Variants in THSD7A observed in about 807,000 individuals in gnomAD.
The protein encoded by THSD7A is thrombospondin type 1 domain containing 7A, also known as thrombospondin type-1 domain-containing protein 7A.
Under a neutral mutation model 231.3 loss-of-function variants are expected in THSD7A, and 96 were observed. That is an observed-to-expected ratio of 0.41 (90% CI 0.35 to 0.49). The LOEUF is 0.49. Among genes scored for constraint, THSD7A ranks in the 20% least tolerant of loss-of-function variants. The pLI is 0.05. For synonymous variants in THSD7A, 940 were observed against 743.3 expected (o/e 1.26, Z -4.30); for missense variants, 2,290 against 2,070.2 (o/e 1.11, Z -2.06).
chr7:11,690,512 CTG>C (rs1286397146), intron 1 of THSD7A, among the ~76,000 whole-genome samples: 1 of 151,620 alleles, frequency 6.6e-6, no homozygotes, highest in Non-Finnish European at 1.5e-5. Context: ...GCTGAGGCTG[CTG>C]TGTGTGTTTT....
At chr7:11,739,351 G>A (rs1357308803) in intron 1 of THSD7A, among the ~76,000 whole-genome samples, 1 of 151,876 alleles carries the variant, frequency 6.6e-6, no homozygotes, top group Middle Eastern at 3.2e-3. Context: ...TCTATGCATG[G>A]AATAACACTT....
intron 23 of THSD7A, among the ~76,000 whole-genome samples, chr7:11,397,332 T>G (rs1486642084): frequency 6.6e-6 from 1 of 152,160 alleles, no homozygotes; most frequent in Non-Finnish European, 1.5e-5. Flanking sequence ...ATTTAATAAA[T>G]GGTGTCGGGA....
chr7:11,677,359 C>A (rs11767686), intron 1 of THSD7A, among the ~76,000 whole-genome samples: 1 of 151,874 alleles, frequency 6.6e-6, no homozygotes, highest in Non-Finnish European at 1.5e-5. Context: ...ACTGCATCAA[C>A]TAATGGGCAA....
At chr7:11,713,735 G>A (rs1781041285) in intron 1 of THSD7A, among the ~76,000 whole-genome samples, 1 of 151,060 alleles carries the variant, frequency 6.6e-6, no homozygotes, top group Non-Finnish European at 1.5e-5. Context: ...CAGTCTTCTG[G>A]CAAACTTCTG....
chr7:11,370,889 A>G lies in THSD7A; in HGVS notation c.*4905T>C, dbSNP rs533080813. The G allele has an allele frequency of 6.6e-6, 1 of 152,302 alleles. No individual in the cohort carries two copies. The highest frequency in any genetic ancestry group is 1.9e-4 in the East Asian group (1 of 5,184). 9.4% of individuals were successfully genotyped at this position (152,302 alleles called of 1,614,324 possible). ...TACCAGAAAAGGAATCTAAATGTTTACTTTCTAAAAATAAACACAAACAGA... is the reference window on the plus strand; with the variant it reads ...TACCAGAAAAGGAATCTAAATGTTTGCTTTCTAAAAATAAACACAAACAGA... On this transcript the variant is annotated 3_prime_UTR_variant, in exon 28 of 28. Coordinates refer to ENST00000423059, the MANE Select transcript of THSD7A (RefSeq NM_015204.3).
At chr7:11,742,913 G>T (rs949378618) in intron 1 of THSD7A, among the ~76,000 whole-genome samples, 1 of 151,946 alleles carries the variant, frequency 6.6e-6, no homozygotes, top group South Asian at 2.1e-4. Context: ...AATACAAACT[G>T]CTACTTTCTA....
chr7:11,465,441 G>A (rs899302418), intron 9 of THSD7A, among the ~76,000 whole-genome samples: 1 of 152,088 alleles, frequency 6.6e-6, no homozygotes, highest in Non-Finnish European at 1.5e-5. Context: ...ATCATGTGAT[G>A]ATGGGGTACA....
chr7:11,735,312 T>C (rs1781879049), intron 1 of THSD7A, among the ~76,000 whole-genome samples: 1 of 152,002 alleles, frequency 6.6e-6, no homozygotes, highest in African/African-American at 2.4e-5. Context: ...TAATTACAGG[T>C]TGAGCATCCC....
chr7:11,375,735 C>T lies in THSD7A; in HGVS notation c.*59G>A. On this transcript the variant is annotated 3_prime_UTR_variant, in exon 28 of 28. Transcript: ENST00000423059. ...ACAGTTTGGATACATTTGTTGTGGCCTCTGGACATCTATGAAGTCAGAAAG... is the reference window on the plus strand; with the variant it reads ...ACAGTTTGGATACATTTGTTGTGGCTTCTGGACATCTATGAAGTCAGAAAG... The T allele has an allele frequency of 1.4e-6, 2 of 1,387,906 alleles. No homozygotes were observed. Among genetic ancestry groups the T allele is most frequent in the African/African-American group, 2.9e-5 (2 of 69,716 alleles). The allele number at this position is 1,387,906 out of a possible 1,614,324, so 86.0% of individuals were successfully genotyped here.
intron 4 of THSD7A, among the ~76,000 whole-genome samples, chr7:11,551,713 T>C (rs1187353621): frequency 6.6e-6 from 1 of 151,936 alleles, no homozygotes. Flanking sequence ...TGGCAAGGTT[T>C]CTAAGAAAAG....
Position 11,482,043 on chromosome 7 carries a change from A to G in THSD7A, c.1823-61T>C, listed in dbSNP as rs962148758. ...TAAATTAATGTAAAATGAGCAATTTAAACCAGATGGGCACCCAGATAAGTT... is the reference window on the plus strand; with the variant it reads ...TAAATTAATGTAAAATGAGCAATTTGAACCAGATGGGCACCCAGATAAGTT... On this transcript the variant is annotated intron_variant, in intron 6 of 27. Coordinates refer to ENST00000423059, the MANE Select transcript of THSD7A (RefSeq NM_015204.3). 2.0e-6 allele frequency: 3 copies of G among 1,488,540 alleles called. No individual in the cohort carries two copies. The African/African-American group carries it at 4.2e-5, about 21-fold the overall frequency. 92.2% of individuals were successfully genotyped at this position (1,488,540 alleles called of 1,614,324 possible).
At chr7:11,731,951 T>C (rs189250199) in intron 1 of THSD7A, among the ~76,000 whole-genome samples, 9 of 151,848 alleles carry the variant, frequency 5.9e-5, no homozygotes, top group Non-Finnish European at 1.3e-4. Flanking sequence ...GAATCCTTAG[T>C]ACACTAGTGT....
intron 2 of THSD7A, among the ~76,000 whole-genome samples, chr7:11,628,609 T>C (rs1221770712): frequency 6.6e-6 from 1 of 152,230 alleles, no homozygotes; most frequent in Non-Finnish European, 1.5e-5. Flanking sequence ...TTGTTTCTTT[T>C]GTGACATTAT....
At chr7:11,543,853 T>A (rs898010937) in intron 4 of THSD7A, among the ~76,000 whole-genome samples, 1 of 152,166 alleles carries the variant, frequency 6.6e-6, no homozygotes, top group African/African-American at 2.4e-5. Flanking sequence ...CTTTTGTATA[T>A]ACTTGACAGT....
At chr7:11,619,118 C>A (rs1055525965) in intron 2 of THSD7A, among the ~76,000 whole-genome samples, 1 of 151,728 alleles carries the variant, frequency 6.6e-6, no homozygotes, top group African/African-American at 2.4e-5. Context: ...CTAGAGGACA[C>A]AAAGATAAAG....
At chr7:11,496,365 C>G (rs1787098287) in intron 6 of THSD7A, among the ~76,000 whole-genome samples, 1 of 152,118 alleles carries the variant, frequency 6.6e-6, no homozygotes, top group South Asian at 2.1e-4. Flanking sequence ...CAATAATACA[C>G]TATTGTATGT....
At chr7:11,489,388 T>A (rs1354902087) in intron 6 of THSD7A, among the ~76,000 whole-genome samples, 5 of 152,116 alleles carry the variant, frequency 3.3e-5, no homozygotes, top group Non-Finnish European at 7.4e-5. Flanking sequence ...TTAAAGGACT[T>A]ATTTTAGGAA....
At position 11,626,982 on chromosome 7, in the gene THSD7A, C is replaced by T. The variant is rs558779504; in HGVS notation, c.1022+9148G>A. 2.6e-5 allele frequency among the ~76,000 whole-genome samples: 4 copies of T among 152,126 alleles called. No individual in the cohort carries two copies. The South Asian group carries it at 8.3e-4, about 32-fold the overall frequency. ...TCATGACCTTAGAAGGTTCCATTTTCTCATTGGCTTCAGTTGAATTCCTGT... is the reference window on the plus strand; with the variant it reads ...TCATGACCTTAGAAGGTTCCATTTTTTCATTGGCTTCAGTTGAATTCCTGT... On this transcript the variant is annotated intron_variant, in intron 2 of 27. Coordinates refer to ENST00000423059, the MANE Select transcript of THSD7A (RefSeq NM_015204.3).
rs182108758 is a variant in THSD7A at position 11,399,178 on chromosome 7, G to T, written c.4411+2617C>A. The stretch of plus-strand genomic sequence containing the variant: ...CATAATTAAAGCCATTTAAATTTTA[G>T]TTTGTGTGCATATGTGAGTATGTAT... On this transcript the variant is annotated intron_variant, in intron 23 of 27. Transcript: ENST00000423059. 5.5e-3 allele frequency among the ~76,000 whole-genome samples: 841 copies of T among 152,212 alleles called. 9 individuals are homozygous for T. The highest frequency in any genetic ancestry group is 0.019 in the African/African-American group (808 of 41,544).
Sources: gnomAD v4.1 joint callset for allele counts (sites outside exome capture counted in the v4.1 genomes callset) on GRCh38, gnomAD v4.1.1 for gene constraint, MANE v1.5 for transcripts, NCBI Gene and HGNC (gene_info 2026-07-23, HGNC 2026-07-21) for gene names.